EPHA7: variants seen among roughly 807,000 people sequenced by gnomAD.
EPHA7 encodes EPH receptor A7.
In EPHA7, 25 loss-of-function variants were observed where a neutral mutation model predicts 112.6. That is an observed-to-expected ratio of 0.22 (90% confidence interval 0.16 to 0.31). The LOEUF (loss-of-function observed/expected upper bound fraction) is 0.31, where lower values mean the gene tolerates loss of function less well. Among genes scored for constraint, EPHA7 ranks in the 10% least tolerant of loss-of-function variants. EPHA7 has a pLI of 1.00. For synonymous variants in EPHA7, 437 were observed against 406.5 expected (o/e 1.07, Z -0.90); for missense variants, 962 against 1,212.6 (o/e 0.79, Z 3.07).
At chr6:93,408,783 T>C (rs955537987) in intron 3 of EPHA7, among the ~76,000 whole-genome samples, 3 of 152,262 alleles carry the variant, frequency 2.0e-5, no homozygotes, top group Admixed American at 1.3e-4. Flanking sequence ...TTACTCCATT[T>C]GAAAAGTATA....
chr6:93,274,323 G>T (rs540571216), intron 5 of EPHA7, among the ~76,000 whole-genome samples: 1 of 151,856 alleles, frequency 6.6e-6, no homozygotes, highest in Non-Finnish European at 1.5e-5. Flanking sequence ...AAAGATTTGG[G>T]TTATAAATCT....
At chr6:93,358,521 C>A in intron 3 of EPHA7, 110 bp from the exon 4 acceptor site, 1 of 870,372 alleles carries the variant, frequency 1.1e-6, no homozygotes, top group Non-Finnish European at 1.7e-6. Flanking sequence ...GTATGTAAAA[C>A]AAGCTCTTGA....
intron 12 of EPHA7, 48 bp downstream of exon 12, chr6:93,257,414 G>T: frequency 1.4e-6 from 2 of 1,381,716 alleles, no homozygotes; most frequent in Non-Finnish European, 2.0e-6. Flanking sequence ...AATTATATTG[G>T]TAGCAAGCAT....
At chr6:93,376,822 A>C (rs868286048) in intron 3 of EPHA7, among the ~76,000 whole-genome samples, 5 of 151,992 alleles carry the variant, frequency 3.3e-5, no homozygotes, top group East Asian at 3.9e-4. Context: ...ACATAAATTA[A>C]TTGTCTTTCT....
At chr6:93,324,247 A>G (rs1167507468) in intron 5 of EPHA7, among the ~76,000 whole-genome samples, 6 of 151,412 alleles carry the variant, frequency 4.0e-5, no homozygotes, top group African/African-American at 1.2e-4. Flanking sequence ...AACATAAAAT[A>G]TGCCTCTAAT....
At chr6:93,368,395 A>G (rs1170974236) in intron 3 of EPHA7, among the ~76,000 whole-genome samples, 1 of 152,074 alleles carries the variant, frequency 6.6e-6, no homozygotes, top group Non-Finnish European at 1.5e-5. Context: ...GGGACACATT[A>G]TTGACCAATT....
chr6:93,266,771 C>A (rs1770960162), intron 7 of EPHA7, among the ~76,000 whole-genome samples: 1 of 151,614 alleles, frequency 6.6e-6, no homozygotes, highest in Non-Finnish European at 1.5e-5. Flanking sequence ...TGCATTCCAC[C>A]ACTGCTTAAT....
At chr6:93,360,009 TG>T (rs1776179764) in intron 3 of EPHA7, among the ~76,000 whole-genome samples, 1 of 152,140 alleles carries the variant, frequency 6.6e-6, no homozygotes, top group South Asian at 2.1e-4. Flanking sequence ...TTGGCTATGT[TG>T]TCTTTAGTTG....
At chr6:93,252,169 C>T (rs954282616) in intron 14 of EPHA7, among the ~76,000 whole-genome samples, 1 of 151,918 alleles carries the variant, frequency 6.6e-6, no homozygotes, top group Admixed American at 6.6e-5. Context: ...TTACAAAAAC[C>T]TCACTTTATC....
chr6:93,245,298 T>G lies in EPHA7; in HGVS notation c.2882A>C (p.Glu961Ala). Reference sequence around the variant, plus strand: ...TACAATTTTAAGAGTTTAAGCTTACTCAATAGTCATCCTGGCTACTGATTC... The same window carrying G: ...TACAATTTTAAGAGTTTAAGCTTACGCAATAGTCATCCTGGCTACTGATTC... Reference protein sequence around the residue: ...SLESVARMTIEDVMSLGITLV... With the variant: ...SLESVARMTIADVMSLGITLV... Residue 961 changes from glutamate to alanine, a missense_variant and splice_region_variant, in exon 16 of 17, where the codon GAG becomes GCG. By Grantham distance (107) the Glu-to-Ala change is moderately radical. Around this residue, in one of 3 missense-constraint regions of EPHA7, gnomAD observed 746 missense variants for 889.2 expected, o/e 0.84. Transcript: ENST00000369303. 1 of 1,612,332 alleles carries G rather than the reference T, an allele frequency of 6.2e-7. No homozygotes were observed. The highest frequency in any genetic ancestry group is 8.5e-7 in the Non-Finnish European group (1 of 1,179,600).
chr6:93,400,180 T>C (rs1037090961), intron 3 of EPHA7, among the ~76,000 whole-genome samples: 7 of 152,096 alleles, frequency 4.6e-5, no homozygotes, highest in African/African-American at 1.7e-4. Context: ...GAAGATATTA[T>C]GAAACATTTT....
intron 14 of EPHA7, among the ~76,000 whole-genome samples, chr6:93,250,222 ATAC>A (rs1188125716): frequency 6.6e-6 from 1 of 152,154 alleles, no homozygotes; most frequent in Non-Finnish European, 1.5e-5. Context: ...ATAATCCAAG[ATAC>A]ACCCTTTGAA....
intron 1 of EPHA7, among the ~76,000 whole-genome samples, chr6:93,415,093 C>T (rs1779161430): frequency 6.6e-6 from 1 of 151,698 alleles, no homozygotes; most frequent in African/African-American, 2.4e-5. Flanking sequence ...TTTTGTAAAC[C>T]ATTGAGCTGT....
chr6:93,309,309 A>G (rs891950799), intron 5 of EPHA7, among the ~76,000 whole-genome samples: 2 of 152,214 alleles, frequency 1.3e-5, no homozygotes, highest in Admixed American at 1.3e-4. Context: ...CAGCATATAA[A>G]TAAGACTTTA....
At chr6:93,376,414 T>C (rs1385923529) in intron 3 of EPHA7, among the ~76,000 whole-genome samples, 2 of 152,114 alleles carry the variant, frequency 1.3e-5, no homozygotes, top group Non-Finnish European at 1.5e-5. Flanking sequence ...GTGCTGGAAT[T>C]ACAGGCATAA....
At chr6:93,289,043 A>G (rs996883973) in intron 5 of EPHA7, among the ~76,000 whole-genome samples, 2 of 152,210 alleles carry the variant, frequency 1.3e-5, no homozygotes, top group Admixed American at 6.5e-5. Flanking sequence ...AAATGAATGA[A>G]TAACAACTAT....
chr6:93,334,300 A>G (rs1317633799), intron 5 of EPHA7, among the ~76,000 whole-genome samples: 4 of 151,970 alleles, frequency 2.6e-5, no homozygotes, highest in Admixed American at 6.6e-5. Flanking sequence ...AAAACACTGG[A>G]AGATAACCTA....
At chr6:93,405,645 T>C (rs1778657855) in intron 3 of EPHA7, among the ~76,000 whole-genome samples, 1 of 151,306 alleles carries the variant, frequency 6.6e-6, no homozygotes, top group Admixed American at 6.6e-5. Context: ...ATTAGCCCCA[T>C]TTTATACTTA....
At chr6:93,412,740 A>G (rs755263870) in intron 2 of EPHA7, among the ~76,000 whole-genome samples, 3 of 152,030 alleles carry the variant, frequency 2.0e-5, no homozygotes, top group Non-Finnish European at 2.9e-5. Context: ...ACTAGTAATG[A>G]TATCTACCAA....
Sources: allele counts gnomAD v4.1 joint callset (sites outside exome capture counted in the v4.1 genomes callset), GRCh38; gene constraint gnomAD v4.1.1; regional missense constraint gnomAD v4.1.1; transcripts MANE v1.5; gene names NCBI Gene and HGNC (gene_info 2026-07-23, HGNC 2026-07-21).